The following TAFA5 variants were observed in gnomAD, a reference collection of about 807,000 sequenced individuals.
TAFA5 encodes TAFA chemokine like family member 5, also known as chemokine-like protein TAFA-5.
Under a neutral mutation model 15.3 loss-of-function variants are expected in TAFA5, and 6 were observed. The observed-to-expected ratio is 0.39, with a 90% CI of 0.21 to 0.77. TAFA5 has a LOEUF of 0.77. TAFA5 is among the 30% of genes least tolerant of loss of function. The pLI is 0.41. For synonymous variants in TAFA5, 103 were observed against 80.7 expected (o/e 1.28, Z -1.48); for missense variants, 161 against 193.1 (o/e 0.83, Z 0.98).
chr22:48,669,512 A>G (rs9628594), intron 2 of TAFA5, among the ~76,000 whole-genome samples: 55,778 of 152,004 alleles, frequency 0.37, 10,438 homozygotes, highest in East Asian at 0.44. Context: ...GCCATGGTGA[A>G]TGAGTGACCC....
At chr22:48,520,205 G>C (rs931308507) in intron 1 of TAFA5, among the ~76,000 whole-genome samples, 1 of 152,256 alleles carries the variant, frequency 6.6e-6, no homozygotes, top group Admixed American at 6.5e-5. Flanking sequence ...AACACTTTGT[G>C]GACTTCTGGC....
At chr22:48,501,130 A>T (rs1920949264) in intron 1 of TAFA5, among the ~76,000 whole-genome samples, 1 of 152,046 alleles carries the variant, frequency 6.6e-6, no homozygotes, top group Non-Finnish European at 1.5e-5. Context: ...TCGGGCTGTG[A>T]GTGGCTTTGC....
chr22:48,610,411 A>G (rs1601613585), intron 1 of TAFA5, among the ~76,000 whole-genome samples: 2 of 152,376 alleles, frequency 1.3e-5, no homozygotes, highest in South Asian at 4.1e-4. Context: ...TGGCCGGCGT[A>G]TAAATAAATC....
In TAFA5 at chr22:48,580,488, T is replaced by C. The variant is rs189918373; in HGVS notation, c.113-66109T>C. The stretch of plus-strand genomic sequence containing the variant: ...TTGCTGAATGCGTACAGCCATTCTG[T>C]CCCAGAGGCATAGAGCTAGGGCTGT... On this transcript the variant is annotated intron_variant, in intron 1 of 3. Coordinates refer to ENST00000402357, the MANE Select transcript of TAFA5 (RefSeq NM_001082967.3). 4.0e-4 allele frequency among the ~76,000 whole-genome samples: 61 copies of C among 152,198 alleles called. 1 individual carries two copies. Among genetic ancestry groups the C allele is most frequent in the African/African-American group, 1.4e-3 (57 of 41,450 alleles).
intron 3 of TAFA5, among the ~76,000 whole-genome samples, chr22:48,726,243 G>A (rs1929710785): frequency 6.6e-6 from 1 of 152,248 alleles, no homozygotes; most frequent in African/African-American, 2.4e-5. Context: ...AGATTTGCAA[G>A]GATTTAGAAA....
rs1930393123 is a variant in TAFA5 at position 48,748,563 on chromosome 22, C to A, written c.391-1276C>A. Among the ~76,000 whole-genome samples, 3 of 152,198 alleles carry A rather than the reference C, an allele frequency of 2.0e-5. No homozygotes were observed. The South Asian group carries it at 6.2e-4, about 32-fold the overall frequency. On this transcript the variant is annotated intron_variant, in intron 3 of 3. Transcript: ENST00000402357. ...AGGTGTGCCATGGGGCTGTTCTGTCCCCGGGGCAGGTCCCCTCACCCCTGA... is the reference window on the plus strand; with the variant it reads ...AGGTGTGCCATGGGGCTGTTCTGTCACCGGGGCAGGTCCCCTCACCCCTGA...
At chr22:48,722,786 C>T (rs130191) in intron 3 of TAFA5, among the ~76,000 whole-genome samples, 62,097 of 151,592 alleles carry the variant, frequency 0.41, 13,505 homozygotes, top group Non-Finnish European at 0.48. Flanking sequence ...GGGGTACATC[C>T]TAACAGTGAG....
chr22:48,577,862 G>A (rs1923875930), intron 1 of TAFA5, among the ~76,000 whole-genome samples: 1 of 152,216 alleles, frequency 6.6e-6, no homozygotes, highest in Non-Finnish European at 1.5e-5. Context: ...CAGGTGGGAG[G>A]CCCAACTTCT....
chr22:48,611,818 C>T (rs1382183697), intron 1 of TAFA5, among the ~76,000 whole-genome samples: 3 of 152,152 alleles, frequency 2.0e-5, no homozygotes, highest in East Asian at 1.9e-4. Flanking sequence ...TCCAGGCCTC[C>T]GGATGGGCAG....
chr22:48,635,129 C>T (rs568906725), intron 1 of TAFA5, among the ~76,000 whole-genome samples: 1 of 152,270 alleles, frequency 6.6e-6, no homozygotes, highest in South Asian at 2.1e-4. Flanking sequence ...GGCCTTGTTC[C>T]CGTTGTGGCC....
chr22:48,509,842 T>C (rs954561406), intron 1 of TAFA5, among the ~76,000 whole-genome samples: 2 of 151,138 alleles, frequency 1.3e-5, no homozygotes, highest in African/African-American at 4.9e-5. Context: ...TCCCAGCTAC[T>C]TGGGAGGCTG....
chr22:48,721,951 C>T (rs1381912295), intron 3 of TAFA5, among the ~76,000 whole-genome samples: 1 of 150,912 alleles, frequency 6.6e-6, no homozygotes, highest in Admixed American at 6.6e-5. Context: ...CACTCCAGCC[C>T]AGGCGACAGA....
chr22:48,717,806 G>T (rs540592721), intron 3 of TAFA5, among the ~76,000 whole-genome samples: 1 of 152,208 alleles, frequency 6.6e-6, no homozygotes, highest in African/African-American at 2.4e-5. Flanking sequence ...CAGTTGAATT[G>T]GTCAGGGCAT....
At chr22:48,745,410 G>A (rs1930299822) in intron 3 of TAFA5, among the ~76,000 whole-genome samples, 1 of 149,582 alleles carries the variant, frequency 6.7e-6, no homozygotes, top group South Asian at 2.1e-4. Flanking sequence ...GGCACACACG[G>A]CTTTGTCGTC....
intron 1 of TAFA5, among the ~76,000 whole-genome samples, chr22:48,591,500 G>A (rs1924566085): frequency 6.6e-6 from 1 of 152,262 alleles, no homozygotes; most frequent in African/African-American, 2.4e-5. Context: ...GACAGAGGCA[G>A]CTGGGAGTTT....
chr22:48,738,705 C>T (rs1261817918), intron 3 of TAFA5, among the ~76,000 whole-genome samples: 2 of 152,204 alleles, frequency 1.3e-5, no homozygotes, highest in Non-Finnish European at 2.9e-5. Flanking sequence ...GCCAACATTC[C>T]CCGGGCAGGG....
intron 1 of TAFA5, among the ~76,000 whole-genome samples, chr22:48,562,788 G>A (rs1247238554): frequency 2.0e-5 from 3 of 152,138 alleles, no homozygotes; most frequent in Non-Finnish European, 2.9e-5. Flanking sequence ...CCCCTGACAC[G>A]GCTTCTCATG....
At chr22:48,734,309 TC>T (rs1340789265) in intron 3 of TAFA5, among the ~76,000 whole-genome samples, 3 of 152,182 alleles carry the variant, frequency 2.0e-5, no homozygotes, top group Admixed American at 2.0e-4. Context: ...GGGCGAAATA[TC>T]GTGAGGCCAG....
At chr22:48,642,865 CAG>C (rs891422662) in intron 1 of TAFA5, among the ~76,000 whole-genome samples, 2 of 152,122 alleles carry the variant, frequency 1.3e-5, no homozygotes, top group Admixed American at 6.5e-5. Context: ...GTGTGGTACA[CAG>C]GGGGAACAGC....
Sources: allele counts gnomAD v4.1 joint callset (sites outside exome capture counted in the v4.1 genomes callset), GRCh38; gene constraint gnomAD v4.1.1; transcripts MANE v1.5; gene names NCBI Gene and HGNC (gene_info 2026-07-23, HGNC 2026-07-21).